SNX15: variants seen among roughly 807,000 people sequenced by gnomAD.
The protein encoded by SNX15 is sorting nexin 15.
In SNX15, 29 loss-of-function variants were observed where a neutral mutation model predicts 35.2. That is an observed-to-expected ratio of 0.82 (90% CI 0.61 to 1.12). SNX15 has a LOEUF of 1.12. Among genes scored for constraint, SNX15 ranks in the 50% most tolerant of loss-of-function variants. The pLI is 0.00. For missense variants in SNX15, 400 were observed against 451.5 expected (o/e 0.89, Z 1.03); for synonymous variants, 189 against 188.2 (o/e 1.00, Z -0.03).
intron 3 of SNX15, among the ~76,000 whole-genome samples, chr11:65,033,558 A>G (rs2136933059): frequency 6.6e-6 from 1 of 152,076 alleles, no homozygotes; most frequent in African/African-American, 2.4e-5. Context: ...AAAAAAAAAA[A>G]AAAAAAATTG....
intron 3 of SNX15, 81 bp downstream of exon 3, chr11:65,032,632 TAG>T: frequency 6.4e-7 from 1 of 1,563,148 alleles, no homozygotes; most frequent in South Asian, 1.1e-5. Flanking sequence ...GGGGGCTGGA[TAG>T]AGAGGGCCTG....
At position 65,035,584 on chromosome 11, in the gene SNX15, C is replaced by T. The variant is rs779622122; in HGVS notation, c.585C>T (p.Thr195=). ...ATCTCCTCTTTAACTGTGAGAGCAC[C>T]GAGGAGGCATCTGGTTCCCCTGCCC... is the stretch of plus-strand genomic sequence containing the variant. ...ALDLLFNCES[T]EEASGSPARG... The change falls in exon 6 of 8, where the codon ACC becomes ACT. Residue 195 remains threonine (T), a synonymous_variant. Transcript: ENST00000377244. 18 of 1,613,818 alleles carry T rather than the reference C, an allele frequency of 1.1e-5. No individual in the cohort carries two copies. The highest frequency in any genetic ancestry group is 6.6e-5 in the South Asian group (6 of 91,072).
At chr11:65,036,870 C>T (rs574697860) in intron 6 of SNX15, 2 of 149,832 alleles carry the variant, frequency 1.3e-5, no homozygotes, top group South Asian at 2.1e-4. Flanking sequence ...GACAGGGTCG[C>T]ACCATTTTGG....
At position 65,038,881 on chromosome 11, in the gene SNX15, T is replaced by C. The variant is rs901173126; in HGVS notation, c.922+52T>C. The C allele has an allele frequency of 4.2e-6, 6 of 1,430,698 alleles. No individual in the cohort carries two copies. In the African/African-American group the frequency reaches 8.6e-5, roughly 20 times the overall value. 88.6% of individuals were successfully genotyped at this position (1,430,698 alleles called of 1,614,324 possible). A position where few individuals can be genotyped will look rare whatever the true frequency, so the allele number is the denominator to read the frequency against. ...CAGGCCTGGGTCCCAGGTGGGGCAG[T>C]GATGAAGGGAGCAAAAAAACAAGCA... is the stretch of plus-strand genomic sequence containing the variant. On this transcript the variant is annotated intron_variant, in intron 7 of 7. Coordinates refer to ENST00000377244, the MANE Select transcript of SNX15 (RefSeq NM_013306.5).
At chr11:65,038,347 T>G in intron 6 of SNX15, 2 of 1,180,518 alleles carry the variant, frequency 1.7e-6, no homozygotes, top group East Asian at 3.3e-5. Context: ...CCTAAAGACA[T>G]AATTAGGAAG....
Position 65,027,511 on chromosome 11 carries a change from C to A in SNX15, c.-27C>A, listed in dbSNP as rs369282650. 1.3e-6 allele frequency: 2 copies of A among 1,596,260 alleles called. No homozygotes were observed. The highest frequency in any genetic ancestry group is 3.3e-5 in the Admixed American group (2 of 59,926). On this transcript the variant is annotated 5_prime_UTR_variant, in exon 1 of 8. Coordinates refer to ENST00000377244, the MANE Select transcript of SNX15 (RefSeq NM_013306.5). ...GGGACGGCGAGGAGGTGGAGGCCGG[C>A]GCTCCGCTCCGCTCCAGCTCGGTTT... is the stretch of plus-strand genomic sequence containing the variant.
At chr11:65,027,688 GT>G in intron 1 of SNX15, 52 bp downstream of exon 1, 1 of 1,377,870 alleles carries the variant, frequency 7.3e-7, no homozygotes, top group Non-Finnish European at 1.0e-6. Flanking sequence ...GGGGCGCCGA[GT>G]TTTACCTTAA....
Position 65,034,915 on chromosome 11 carries a change from C to T in SNX15, c.325C>T (p.His109Tyr), listed in dbSNP as rs756138107. ...AGAGGACCTGCTTCGCTTCACTGTG[C>T]ACATACCTGCGCTCAACAACAGCCC... is the stretch of plus-strand genomic sequence containing the variant. Reference protein sequence around the residue: ...GAEDLLRFTVHIPALNNSPQL... With the variant: ...GAEDLLRFTVYIPALNNSPQL... The change falls in exon 4 of 8, where the codon CAC becomes TAC. Residue 109 changes from histidine to tyrosine, a missense_variant. Physicochemically the swap from His to Tyr is moderately conservative, Grantham distance 83. Coordinates refer to ENST00000377244, the MANE Select transcript of SNX15 (RefSeq NM_013306.5). The T allele has an allele frequency of 6.2e-7, 1 of 1,614,080 alleles. No homozygotes were observed. The highest frequency in any genetic ancestry group is 8.5e-7 in the Non-Finnish European group (1 of 1,179,974).
At chr11:65,038,975 G>GT (rs1423817396) in intron 7 of SNX15, 146 bp downstream of exon 7, 9 of 437,294 alleles carry the variant, frequency 2.1e-5, no homozygotes, top group South Asian at 7.3e-5. Context: ...TTTTGTTTCT[G>GT]TTTTTTTGTT....
intron 3 of SNX15, 37 bp from the exon 4 acceptor site, chr11:65,034,810 C>T (rs769475439): frequency 1.2e-4 from 183 of 1,546,074 alleles, no homozygotes; most frequent in Non-Finnish European, 1.5e-4. Context: ...TGTGGGTCAC[C>T]GCCACTCTCC....
chr11:65,030,348 C>T (rs1362168258), intron 1 of SNX15, among the ~76,000 whole-genome samples: 2 of 150,878 alleles, frequency 1.3e-5, no homozygotes, highest in East Asian at 2.0e-4. Context: ...AGTGAGACTC[C>T]ATCTCAAAAA....
rs762215523 is a variant in SNX15, at chr11:65,038,769, T to TA, written c.863dup (p.Tyr288Ter). 1.0e-5 allele frequency: 16 copies of TA among 1,600,302 alleles called. No individual in the cohort carries two copies. The highest frequency in any genetic ancestry group is 1.8e-5 in the Admixed American group (1 of 56,806). Residue 288 changes from tyrosine to a stop codon, truncating the protein, a stop_gained and frameshift_variant, in exon 7 of 8, where the codon TAC becomes TAAC. Coordinates refer to ENST00000377244, the MANE Select transcript of SNX15 (RefSeq NM_013306.5). LOFTEE classifies it high-confidence loss of function. ...QALRDEKAGA[Y>*]AAALQGYRDG... The stretch of plus-strand genomic sequence containing the variant: ...CCTGCGGGATGAGAAGGCAGGCGCT[T>TA]ACGCTGCTGCACTCCAGGGCTATCG...
intron 2 of SNX15, 30 bp from the exon 3 acceptor site, chr11:65,032,401 G>T: frequency 1.2e-6 from 2 of 1,614,016 alleles, no homozygotes; most frequent in Non-Finnish European, 1.7e-6. Context: ...CACCATTGCT[G>T]GTTCTGGGCA....
At chr11:65,030,082 C>T (rs1446251400) in intron 1 of SNX15, among the ~76,000 whole-genome samples, 1 of 151,826 alleles carries the variant, frequency 6.6e-6, no homozygotes, top group Non-Finnish European at 1.5e-5. Flanking sequence ...AGAGGCTGGG[C>T]GTGGTGGCGC....
At chr11:65,029,348 G>A (rs1946414051) in intron 1 of SNX15, among the ~76,000 whole-genome samples, 1 of 151,234 alleles carries the variant, frequency 6.6e-6, no homozygotes, top group African/African-American at 2.4e-5. Flanking sequence ...GGCAGAGATG[G>A]GGTTTCACCA....
At chr11:65,028,012 T>C (rs1946394398) in intron 1 of SNX15, among the ~76,000 whole-genome samples, 1 of 152,230 alleles carries the variant, frequency 6.6e-6, no homozygotes, top group South Asian at 2.1e-4. Context: ...TTGTTTGATG[T>C]TACATAAACT....
rs564214650 is a variant in SNX15, at chr11:65,027,542, C to G, written c.5C>G (p.Ser2Cys). 1.2e-6 allele frequency: 2 copies of G among 1,613,794 alleles called. No homozygotes were observed. Among genetic ancestry groups the G allele is most frequent in the Non-Finnish European group, 1.7e-6 (2 of 1,179,892 alleles). Residue 2 changes from serine to cysteine, a missense_variant, in exon 1 of 8, where the codon TCC (serine) becomes TGC (cysteine). Physicochemically the swap from Ser to Cys is moderately radical, Grantham distance 112 (BLOSUM62 -1). Transcript: ENST00000377244. M[S>C]RQAKDDFLRH... ...GCTCCGCTCCAGCTCGGTTTCATGT[C>G]CCGCCAGGCGAAGGATGACTTCCTG...
Position 65,027,446 on chromosome 11 carries a change from T to TG in SNX15, c.-90dup, listed in dbSNP as rs3832791. The TG allele has an allele frequency of 0.68, 657,828 of 962,048 alleles. 232,200 individuals are homozygous for TG. Among genetic ancestry groups the TG allele is most frequent in the Middle Eastern group, 0.73 (2,909 of 3,958 alleles). The allele number at this position is 962,048 out of a possible 1,614,324, so 59.6% of individuals were successfully genotyped here. ...GGCCAGAGGAAGAAGAGCGCAGGCC[T>TG]GGCGAGGCGGCGGCGGGCGGAGGCT... On this transcript the variant is annotated 5_prime_UTR_variant, in exon 1 of 8. Transcript: ENST00000377244.
chr11:65,027,886 G>T (rs562444248), intron 1 of SNX15, among the ~76,000 whole-genome samples: 1 of 152,280 alleles, frequency 6.6e-6, no homozygotes, highest in South Asian at 2.1e-4. Flanking sequence ...GTATGCCCAC[G>T]CCCGGAGTGT....
Sources: allele counts gnomAD v4.1 joint callset (sites outside exome capture counted in the v4.1 genomes callset), GRCh38; gene constraint gnomAD v4.1.1; transcripts MANE v1.5; gene names NCBI Gene and HGNC (gene_info 2026-07-23, HGNC 2026-07-21).